The following ITM2B variants were observed in gnomAD, a reference collection of about 807,000 sequenced individuals.
ITM2B encodes the protein ABri/ADan amyloid peptide.
In ITM2B, 11 loss-of-function variants were observed where a neutral mutation model predicts 27.8. The observed-to-expected ratio is 0.40, with a 90% CI of 0.25 to 0.66. The LOEUF (loss-of-function observed/expected upper bound fraction) is 0.66. Among genes scored for constraint, ITM2B ranks in the 30% least tolerant of loss-of-function variants. ITM2B has a pLI of 0.43. For missense variants in ITM2B, 296 were observed against 328.9 expected, an observed-to-expected ratio of 0.90 and a Z score of 0.77; for synonymous variants, 114 against 114.3, an observed-to-expected ratio of 1.00 and a Z score of 0.02.
At chr13:48,256,936 T>C (rs1434855503) in intron 3 of ITM2B, among the ~76,000 whole-genome samples, 1 of 152,160 alleles carries the variant, frequency 6.6e-6, no homozygotes, top group Non-Finnish European at 1.5e-5. Context: ...TTATCACATC[T>C]AAGAAAATTA....
rs2137998454 is a variant in ITM2B, at chr13:48,261,827, C to T, written c.*603C>T. 1 of 152,662 alleles carries T rather than the reference C, an allele frequency of 6.6e-6. No homozygotes were observed. 9.5% of individuals were successfully genotyped at this position (152,662 alleles called of 1,614,324 possible). On this transcript the variant is annotated 3_prime_UTR_variant, in exon 6 of 6. Transcript: ENST00000647800. ...TAACTTGTGTTACTAATTTGTATAA[C>T]CCATATCTGTGCAATGGAATATAAA...
intron 3 of ITM2B, among the ~76,000 whole-genome samples, 167 bp from the exon 4 acceptor site, chr13:48,257,959 T>C (rs188265349): frequency 1.4e-4 from 21 of 152,308 alleles, no homozygotes; most frequent in Admixed American, 1.1e-3. Context: ...TCCTCTCCCA[T>C]TCCCACTTCC....
intron 1 of ITM2B, among the ~76,000 whole-genome samples, chr13:48,250,377 T>C (rs190891187): frequency 4.5e-4 from 68 of 152,272 alleles, no homozygotes; most frequent in Non-Finnish European, 8.7e-4. Context: ...CCGAGCACTT[T>C]GGGAGGCCGA....
At chr13:48,248,214 G>A (rs1201942999) in intron 1 of ITM2B, among the ~76,000 whole-genome samples, 2 of 151,936 alleles carry the variant, frequency 1.3e-5, no homozygotes, top group African/African-American at 4.8e-5. Flanking sequence ...GGTGTTATAT[G>A]TTGTGCAACG....
intron 1 of ITM2B, among the ~76,000 whole-genome samples, chr13:48,243,650 CA>C (rs1218914223): frequency 1.3e-5 from 2 of 151,758 alleles, no homozygotes; most frequent in African/African-American, 4.8e-5. Flanking sequence ...CCTCCACCTC[CA>C]CAAAAAAATT....
Position 48,267,386 on chromosome 13 carries a change from A to G in ITM2B, c.*6162A>G, listed in dbSNP as rs1402940900. 2 of 152,220 alleles carry G rather than the reference A, an allele frequency of 1.3e-5. No individual in the cohort carries two copies. The highest frequency in any genetic ancestry group is 2.4e-5 in the African/African-American group (1 of 41,442). The allele number at this position is 152,220 out of a possible 1,614,324, so 9.4% of individuals were successfully genotyped here. ...TAACCCCTAATTATCTGATAACCCAAGTTCTGTCAGAAACACTGCTGAGGC... is the reference window on the plus strand; with the variant it reads ...TAACCCCTAATTATCTGATAACCCAGGTTCTGTCAGAAACACTGCTGAGGC... On this transcript the variant is annotated 3_prime_UTR_variant, in exon 6 of 6. Transcript: ENST00000647800.
chr13:48,256,174 T>C lies in ITM2B; in HGVS notation c.247-3T>C. On this transcript the variant is annotated splice_region_variant and splice_polypyrimidine_tract_variant and intron_variant, in intron 2 of 5. Coordinates refer to ENST00000647800, the MANE Select transcript of ITM2B (RefSeq NM_021999.5). ...CTGAAATGAGTCTTTAAACTCTCTATAGCCAGATGACGTGTACTACTGTGG... is the reference window on the plus strand; with the variant it reads ...CTGAAATGAGTCTTTAAACTCTCTACAGCCAGATGACGTGTACTACTGTGG... 1 of 1,607,770 alleles carries C rather than the reference T, an allele frequency of 6.2e-7. No homozygotes were observed. Among genetic ancestry groups the C allele is most frequent in the Non-Finnish European group, 8.5e-7 (1 of 1,174,706 alleles).
chr13:48,243,777 A>G (rs1016027025), intron 1 of ITM2B, among the ~76,000 whole-genome samples: 1 of 152,070 alleles, frequency 6.6e-6, no homozygotes, highest in Non-Finnish European at 1.5e-5. Flanking sequence ...TGATTGCACT[A>G]TTACACTCTA....
chr13:48,261,296 G>A lies in ITM2B; in HGVS notation c.*72G>A. The A allele has an allele frequency of 9.4e-7, 1 of 1,063,238 alleles. No individual in the cohort carries two copies. Among genetic ancestry groups the A allele is most frequent in the Non-Finnish European group, 1.5e-6 (1 of 686,734 alleles). The allele number at this position is 1,063,238 out of a possible 1,614,324, so 65.9% of individuals were successfully genotyped here. A position where few individuals can be genotyped will look rare whatever the true frequency, so the allele number is the denominator to read the frequency against. On this transcript the variant is annotated 3_prime_UTR_variant, in exon 6 of 6. Coordinates refer to ENST00000647800, the MANE Select transcript of ITM2B (RefSeq NM_021999.5). ...CCCCACCCTTTACATTTTGTGCAGT[G>A]ATTATTTTTTAAAGTCTTCTTTCAT...
intron 1 of ITM2B, among the ~76,000 whole-genome samples, chr13:48,241,939 C>A (rs1566158909): frequency 2.0e-5 from 3 of 152,114 alleles, no homozygotes; most frequent in Non-Finnish European, 4.4e-5. Flanking sequence ...CGGGTGTGTT[C>A]CTGGACCACA....
chr13:48,261,324 A>G lies in ITM2B; in HGVS notation c.*100A>G, dbSNP rs1035620513. 4 of 847,890 alleles carry G rather than the reference A, an allele frequency of 4.7e-6. No individual in the cohort carries two copies. Among genetic ancestry groups the G allele is most frequent in the Non-Finnish European group, 8.1e-6 (4 of 496,880 alleles). The allele number at this position is 847,890 out of a possible 1,614,324, so 52.5% of individuals were successfully genotyped here. ...TATTTTTTAAAGTCTTCTTTCATGT[A>G]AGTAGCAAACAGGGCTTTACTATCT... On this transcript the variant is annotated 3_prime_UTR_variant, in exon 6 of 6. Transcript: ENST00000647800.
intron 1 of ITM2B, among the ~76,000 whole-genome samples, chr13:48,235,507 CAA>C (rs2137976416): frequency 6.6e-6 from 1 of 152,284 alleles, no homozygotes; most frequent in East Asian, 1.9e-4. Context: ...TAGGGGATGA[CAA>C]AATATTTCTC....
At position 48,253,340 on chromosome 13, in the gene ITM2B, G is replaced by A. The variant is rs9332272; in HGVS notation, c.118-468G>A. ...ATGGTTTAGAATAGTTTTATACCTG[G>A]TATGAAATATAAACCACCTGTAGCA... On this transcript the variant is annotated intron_variant, in intron 1 of 5. Transcript: ENST00000647800. Among the ~76,000 whole-genome samples, 174 of 152,018 alleles carry A rather than the reference G, an allele frequency of 1.1e-3. 5 individuals are homozygous for A. In the East Asian group the frequency reaches 0.027, roughly 24 times the overall value.
intron 1 of ITM2B, among the ~76,000 whole-genome samples, chr13:48,247,951 T>C (rs1439960955): frequency 6.6e-6 from 1 of 152,108 alleles, no homozygotes; most frequent in Non-Finnish European, 1.5e-5. Flanking sequence ...GTGGGAGTTC[T>C]GTTACCTTTT....
intron 1 of ITM2B, among the ~76,000 whole-genome samples, chr13:48,243,903 A>C (rs540407019): frequency 6.6e-6 from 1 of 152,314 alleles, no homozygotes; most frequent in East Asian, 1.9e-4. Flanking sequence ...AGTATTATCC[A>C]AGTGTGACAT....
chr13:48,254,576 A>AT (rs567626643), intron 2 of ITM2B, among the ~76,000 whole-genome samples: 22 of 148,498 alleles, frequency 1.5e-4, no homozygotes, highest in East Asian at 3.9e-4. Flanking sequence ...ATAATACACA[A>AT]TTTTTTTTTT....
At chr13:48,245,180 G>T (rs1282455666) in intron 1 of ITM2B, among the ~76,000 whole-genome samples, 1 of 152,170 alleles carries the variant, frequency 6.6e-6, no homozygotes, top group African/African-American at 2.4e-5. Flanking sequence ...ACAACAGTTA[G>T]CTGGGCCTGG....
In ITM2B at chr13:48,258,203, C is replaced by G. The variant is rs958229465; in HGVS notation, c.531C>G (p.Pro177=). The G allele has an allele frequency of 6.3e-7, 1 of 1,588,882 alleles. No homozygotes were observed. Among genetic ancestry groups the G allele is most frequent in the South Asian group, 1.1e-5 (1 of 90,566 alleles). Residue 177 remains proline, a synonymous_variant, in exon 4 of 6, where the codon CCC becomes CCG. Transcript: ENST00000647800. ...IPLNTSIVMP[P]RNLLELLINI... ...TGAACACTTCCATTGTTATGCCACC[C>G]AGAAACCTACTGGAGTTACTTATTA...
chr13:48,237,835 A>T, intron 1 of ITM2B, among the ~76,000 whole-genome samples: 1 of 152,182 alleles, frequency 6.6e-6, no homozygotes. Flanking sequence ...TACTTCCTGA[A>T]TTCCTAGATT....
Sources: allele counts gnomAD v4.1 joint callset (sites outside exome capture counted in the v4.1 genomes callset), GRCh38; gene constraint gnomAD v4.1.1; transcripts MANE v1.5; gene names NCBI Gene and HGNC (gene_info 2026-07-23, HGNC 2026-07-21).